Variants in BTLA observed in about 807,000 individuals in gnomAD.
BTLA encodes B and T lymphocyte associated.
A neutral mutation model predicts 25.0 loss-of-function variants in BTLA; 11 were observed. The observed-to-expected ratio is 0.44, with a 90% CI of 0.28 to 0.73. BTLA has a LOEUF of 0.73. Among genes scored for constraint, BTLA ranks in the 30% least tolerant of loss-of-function variants. BTLA has a pLI of 0.15. For synonymous variants in BTLA, 104 were observed against 119.8 expected, an observed-to-expected ratio of 0.87 and a Z score of 0.86; for missense variants, 282 against 332.8, an observed-to-expected ratio of 0.85 and a Z score of 1.19.
intron 1 of BTLA, among the ~76,000 whole-genome samples, chr3:112,491,051 G>A (rs1390802772): frequency 2.0e-5 from 3 of 152,078 alleles, no homozygotes; most frequent in African/African-American, 7.2e-5. Context: ...AAATAATTCT[G>A]AACTTGTTTT....
At position 112,494,109 on chromosome 3, in the gene BTLA, CA is replaced by C. The variant is rs1224424668; in HGVS notation, c.88+5161del. On this transcript the variant is annotated intron_variant, in intron 1 of 4. Transcript: ENST00000334529. ...TGGGCGACAGAGCGACACTCTATCTCAAAAAAAAAAAGAAGACATTTATGCC... is the reference window on the plus strand; with the variant it reads ...TGGGCGACAGAGCGACACTCTATCTCAAAAAAAAAAGAAGACATTTATGCC... Among the ~76,000 whole-genome samples, 321 of 143,832 alleles carry C rather than the reference CA, an allele frequency of 2.2e-3. 2 individuals are homozygous for C. The highest frequency in any genetic ancestry group is 5.8e-3 in the African/African-American group (228 of 39,418). 94.4% of individuals were successfully genotyped at this position (143,832 alleles called of 152,430 possible).
At chr3:112,497,318 A>G (rs1443021506) in intron 1 of BTLA, among the ~76,000 whole-genome samples, 1 of 152,200 alleles carries the variant, frequency 6.6e-6, no homozygotes, top group Non-Finnish European at 1.5e-5. Context: ...AGGTACAATT[A>G]TTACCTGTAT....
At position 112,471,278 on chromosome 3, in the gene BTLA, A is replaced by C. The variant is rs753741102; in HGVS notation, c.481T>G (p.Leu161Val). The change falls in exon 3 of 5, where the codon TTG (leucine) becomes GTG (valine). Residue 161 changes from leucine to valine, a missense_variant. This residue lies in a region of BTLA where 163 missense variants were observed against 230.4 expected (regional missense o/e 0.71). Coordinates refer to ENST00000334529, the MANE Select transcript of BTLA (RefSeq NM_181780.4). ...GTGATGAGTAGAGGCAATCCCCCCA[A>C]AGGAAGTAAACGATACAGGAGCCAG... ...RPWLLYRLLP[L>V]GGLPLLITTC... 11 of 1,613,952 alleles carry C rather than the reference A, an allele frequency of 6.8e-6. No homozygotes were observed. The South Asian group carries it at 1.1e-4, about 16-fold the overall frequency.
At chr3:112,471,379 G>A (rs762715684) in intron 2 of BTLA, 24 bp from the exon 3 acceptor site, 2 of 1,610,932 alleles carry the variant, frequency 1.2e-6, no homozygotes, top group South Asian at 2.2e-5. Context: ...AAATGCTAAA[G>A]AGAGTTAGGA....
intron 2 of BTLA, among the ~76,000 whole-genome samples, chr3:112,472,910 G>A (rs979081852): frequency 1.3e-5 from 2 of 151,838 alleles, no homozygotes; most frequent in South Asian, 2.1e-4. Context: ...GCTGCCTGGG[G>A]GAGGGTCTTG....
At chr3:112,485,428 T>C (rs1261970960) in intron 1 of BTLA, among the ~76,000 whole-genome samples, 1 of 152,232 alleles carries the variant, frequency 6.6e-6, no homozygotes, top group Non-Finnish European at 1.5e-5. Context: ...ATATCCATCT[T>C]ATGATACTTA....
Position 112,469,999 on chromosome 3 carries a change from C to G in BTLA, c.548-195G>C, listed in dbSNP as rs2082253632. The G allele has an allele frequency of 5.9e-6, 3 of 506,636 alleles. No individual in the cohort carries two copies. In the South Asian group the frequency reaches 7.2e-5, roughly 12 times the overall value. The allele number at this position is 506,636 out of a possible 1,614,324, so 31.4% of individuals were successfully genotyped here. A position where few individuals can be genotyped will look rare whatever the true frequency, so the allele number is the denominator to read the frequency against. On this transcript the variant is annotated intron_variant, in intron 3 of 4. Transcript: ENST00000334529. ...GCTCTCTCTCTGGTTCATCACTTTT[C>G]AGTCCACATAGCCCCATGGCATATC...
In BTLA at chr3:112,498,802, T is replaced by G. The variant is rs376140241; in HGVS notation, c.88+469A>C. ...ATGAAGCAAGTATAGAGATTTTATT[T>G]AGAGGTAATATTATTTGAGGGTAAC... On this transcript the variant is annotated intron_variant, in intron 1 of 4. Transcript: ENST00000334529. Among the ~76,000 whole-genome samples the G allele has an allele frequency of 6.6e-5, 10 of 152,214 alleles. No homozygotes were observed. The South Asian group carries it at 1.7e-3, about 25-fold the overall frequency.
At position 112,479,519 on chromosome 3, in the gene BTLA, G is replaced by A. The variant is rs985725055; in HGVS notation, c.339C>T (p.Tyr113=). ...EPVLPNDNGS[Y]RCSANFQSNL... ...TAGACTGAAAATTTGCAGAACAGCG[G>A]TATGACCCATTGTCATTAGGAAGCA... Residue 113 remains tyrosine (Y), a synonymous_variant, in exon 2 of 5, where the codon TAC becomes TAT. Transcript: ENST00000334529. The A allele has an allele frequency of 6.2e-7, 1 of 1,613,984 alleles. No homozygotes were observed. Among genetic ancestry groups the A allele is most frequent in the Non-Finnish European group, 8.5e-7 (1 of 1,179,972 alleles).
In BTLA at chr3:112,471,341, A is replaced by G. The variant is rs1339774153; in HGVS notation, c.418T>C (p.Ser140Pro). The change falls in exon 3 of 5, where the codon TCA becomes CCA. Residue 140 changes from serine to proline, a missense_variant. Ser to Pro is a moderately conservative substitution (Grantham distance 74). Coordinates refer to ENST00000334529, the MANE Select transcript of BTLA (RefSeq NM_181780.4). The stretch of plus-strand genomic sequence containing the variant: ...ATTTCGTCCTTGGAGGGTCGTTCTG[A>G]GGCACTTTTTACATCTGGAATGTTA... ...TLYVTDVKSA[S>P]ERPSKDEMAS... 1 of 1,613,598 alleles carries G rather than the reference A, an allele frequency of 6.2e-7. No homozygotes were observed. The highest frequency in any genetic ancestry group is 1.3e-5 in the African/African-American group (1 of 74,868).
chr3:112,499,370 A>AT lies in BTLA; in HGVS notation c.-13dup. 1 of 1,612,374 alleles carries AT rather than the reference A, an allele frequency of 6.2e-7. No homozygotes were observed. Among genetic ancestry groups the AT allele is most frequent in the Non-Finnish European group, 8.5e-7 (1 of 1,179,038 alleles). On this transcript the variant is annotated 5_prime_UTR_variant, in exon 1 of 5. Coordinates refer to ENST00000334529, the MANE Select transcript of BTLA (RefSeq NM_181780.4). ...GGCAATGTCTTCATTTCCTGCACATATCAGTGATGGAAAAACTGCTCAAGT... is the reference window on the plus strand; with the variant it reads ...GGCAATGTCTTCATTTCCTGCACATATTCAGTGATGGAAAAACTGCTCAAGT...
chr3:112,469,605 A>ATGTG (rs1478365897), intron 4 of BTLA, among the ~76,000 whole-genome samples, 153 bp downstream of exon 4: 6 of 58,710 alleles, frequency 1.0e-4, no homozygotes, highest in African/African-American at 2.9e-4. Flanking sequence ...AAATGGGTCT[A>ATGTG]TGTATATATA....
chr3:112,497,659 T>G (rs1370591433), intron 1 of BTLA, among the ~76,000 whole-genome samples: 1 of 152,122 alleles, frequency 6.6e-6, no homozygotes, highest in Non-Finnish European at 1.5e-5. Context: ...CCTAGTTGAC[T>G]TAATACTAGA....
Position 112,493,917 on chromosome 3 carries a change from CCTGA to C in BTLA, c.88+5350_88+5353del, listed in dbSNP as rs771383884. The stretch of plus-strand genomic sequence containing the variant: ...CATGAGGTCAGGAGATCAAGACCAT[CCTGA>C]CTAACACGGTGAAACCTTCTGTACT... On this transcript the variant is annotated intron_variant, in intron 1 of 4. Coordinates refer to ENST00000334529, the MANE Select transcript of BTLA (RefSeq NM_181780.4). 1.2e-4 allele frequency among the ~76,000 whole-genome samples: 18 copies of C among 152,176 alleles called. 1 individual carries two copies. The highest frequency in any genetic ancestry group is 6.5e-5 in the Admixed American group (1 of 15,284).
At chr3:112,483,210 A>G (rs1576685615) in intron 1 of BTLA, among the ~76,000 whole-genome samples, 1 of 128,632 alleles carries the variant, frequency 7.8e-6, no homozygotes, top group Admixed American at 1.0e-4. Flanking sequence ...ATGCAATGGC[A>G]TGATCTCGGC....
chr3:112,490,825 A>G (rs2082376264), intron 1 of BTLA, among the ~76,000 whole-genome samples: 1 of 152,096 alleles, frequency 6.6e-6, no homozygotes, highest in South Asian at 2.1e-4. Flanking sequence ...TCTTATAAAA[A>G]CATATCTTCT....
In BTLA at chr3:112,471,337, T is replaced by C; in HGVS notation, c.422A>G (p.Glu141Gly). Residue 141 changes from glutamate to glycine, a missense_variant, in exon 3 of 5, where the codon GAA becomes GGA. By Grantham distance (98) the Glu-to-Gly change is moderately conservative. Transcript: ENST00000334529. The part of the protein sequence containing the change: ...LYVTDVKSAS[E>G]RPSKDEMASR... ...TGCCATTTCGTCCTTGGAGGGTCGT[T>C]CTGAGGCACTTTTTACATCTGGAAT... is the stretch of plus-strand genomic sequence containing the variant. 1 of 1,613,804 alleles carries C rather than the reference T, an allele frequency of 6.2e-7. No individual in the cohort carries two copies. Among genetic ancestry groups the C allele is most frequent in the South Asian group, 1.1e-5 (1 of 91,046 alleles).
At chr3:112,492,028 T>A (rs944122564) in intron 1 of BTLA, among the ~76,000 whole-genome samples, 1 of 152,218 alleles carries the variant, frequency 6.6e-6, no homozygotes, top group Non-Finnish European at 1.5e-5. Context: ...AAAAACTTTG[T>A]CCTTTGATAA....
At chr3:112,476,543 T>C (rs577809064) in intron 2 of BTLA, among the ~76,000 whole-genome samples, 9 of 152,352 alleles carry the variant, frequency 5.9e-5, no homozygotes, top group African/African-American at 2.2e-4. Context: ...GCCATGCTGC[T>C]ATTGCAATAA....
Sources: gnomAD v4.1 joint callset for allele counts (sites outside exome capture counted in the v4.1 genomes callset) on GRCh38, gnomAD v4.1.1 for gene constraint, gnomAD v4.1.1 regional missense constraint, MANE v1.5 for transcripts, NCBI Gene and HGNC (gene_info 2026-07-23, HGNC 2026-07-21) for gene names.